SAP30BP: variants seen among roughly 807,000 people sequenced by gnomAD.
The protein encoded by SAP30BP is SAP30 binding protein, also known as SAP30-binding protein.
A neutral mutation model predicts 46.3 loss-of-function variants in SAP30BP; 31 were observed. The ratio of observed to expected loss-of-function variants is 0.67; its 90% confidence interval spans 0.50 to 0.90. The LOEUF is 0.90. SAP30BP is among the 40% of genes least tolerant of loss of function. The probability of loss-of-function intolerance (pLI) is 0.00; values close to 1 mark genes in which losing one functional copy is unlikely to be tolerated. For synonymous variants in SAP30BP, 169 were observed against 144.2 expected (o/e 1.17, Z -1.23); for missense variants, 312 against 391.0 (o/e 0.80, Z 1.70).
chr17:75,699,506 A>T (rs973451901), intron 4 of SAP30BP, among the ~76,000 whole-genome samples: 11 of 117,050 alleles, frequency 9.4e-5, no homozygotes, highest in Admixed American at 3.2e-4. Flanking sequence ...CCGTCTCTTT[A>T]AAAAAAAAAA....
In SAP30BP at chr17:75,706,713, C is replaced by T. The variant is rs2060502641; in HGVS notation, c.*192C>T. 1.0e-5 allele frequency: 6 copies of T among 599,230 alleles called. No homozygotes were observed. Among genetic ancestry groups the T allele is most frequent in the South Asian group, 4.1e-5 (2 of 49,150 alleles). 37.1% of individuals were successfully genotyped at this position (599,230 alleles called of 1,614,324 possible). ...AGGCGCTGTGGACAGGGTCTGTCCA[C>T]GCACCACCTGGGGTCTGCCGCCTAT... On this transcript the variant is annotated 3_prime_UTR_variant, in exon 11 of 11. Transcript: ENST00000584667. This position sits in a 1 kb window ranked among gnomAD's most constrained non-coding sequence, Gnocchi z 4.6.
Position 75,706,842 on chromosome 17 carries a change from T to G in SAP30BP, c.*321T>G. On this transcript the variant is annotated 3_prime_UTR_variant, in exon 11 of 11. Coordinates refer to ENST00000584667, the MANE Select transcript of SAP30BP (RefSeq NM_013260.8). This position sits in a 1 kb window ranked among gnomAD's most constrained non-coding sequence, Gnocchi z 4.6. ...AGCTCACATGTCCCCCAAGACTCAA[T>G]AGTCTTGGTTGGGACTATTGCCTCA... 4 of 346,402 alleles carry G rather than the reference T, an allele frequency of 1.2e-5. No homozygotes were observed. The highest frequency in any genetic ancestry group is 1.6e-5 in the Non-Finnish European group (3 of 185,972). 21.5% of individuals were successfully genotyped at this position (346,402 alleles called of 1,614,324 possible).
chr17:75,676,747 G>A (rs1184130050), intron 3 of SAP30BP, among the ~76,000 whole-genome samples: 1 of 152,196 alleles, frequency 6.6e-6, no homozygotes, highest in African/African-American at 2.4e-5. Flanking sequence ...GCTATTTTGA[G>A]AGAGAGTTCA....
intron 3 of SAP30BP, among the ~76,000 whole-genome samples, chr17:75,682,391 G>A (rs1332207490): frequency 2.6e-5 from 4 of 151,884 alleles, no homozygotes; most frequent in Non-Finnish European, 5.9e-5. Context: ...CTCCATGTTG[G>A]TCAGGCTGGT....
At chr17:75,705,140 G>C (rs1345236384) in intron 9 of SAP30BP, 1 of 348,062 alleles carries the variant, frequency 2.9e-6, no homozygotes, top group East Asian at 6.7e-5. Flanking sequence ...TTCCCTAAGA[G>C]AGTGCCAGGC....
intron 1 of SAP30BP, chr17:75,668,194 T>G: frequency 7.9e-6 from 2 of 253,328 alleles, no homozygotes; most frequent in Non-Finnish European, 1.5e-5. Flanking sequence ...TGTTTTGTGA[T>G]TTTGTGTGGT....
rs183595262 is a variant in SAP30BP, at chr17:75,678,269, C to T, written c.264+6406C>T. On this transcript the variant is annotated intron_variant, in intron 3 of 10. Transcript: ENST00000584667. ...TCTGTGGGGATCCCAGGACCCCCTC[C>T]TCAGATGCTCAAGGTTCTGATATAA... 3.9e-5 allele frequency among the ~76,000 whole-genome samples: 6 copies of T among 152,250 alleles called. No homozygotes were observed. The East Asian group carries it at 7.7e-4, about 20-fold the overall frequency.
Position 75,696,378 on chromosome 17 carries a change from C to CAAAA in SAP30BP, c.307+2909_307+2912dup, listed in dbSNP as rs57619442. Among the ~76,000 whole-genome samples the CAAAA allele has an allele frequency of 9.3e-5, 12 of 128,832 alleles. No homozygotes were observed. In the East Asian group the frequency reaches 1.3e-3, roughly 14 times the overall value. The allele number at this position is 128,832 out of a possible 152,430, so 84.5% of individuals were successfully genotyped here. On this transcript the variant is annotated intron_variant, in intron 4 of 10. Coordinates refer to ENST00000584667, the MANE Select transcript of SAP30BP (RefSeq NM_013260.8). ...TGAAACCCCATTTCTACTAAAAATC[C>CAAAA]AAAAAAAAAAAAAAAATTAGCCAGG...
chr17:75,689,155 CT>C (rs11306586), intron 3 of SAP30BP, among the ~76,000 whole-genome samples: 79,280 of 133,762 alleles, frequency 0.59, 22,937 homozygotes, highest in Non-Finnish European at 0.61. Flanking sequence ...TTCCTTGTAT[CT>C]TTTTTTTTTT....
At chr17:75,671,911 T>C (rs760847888) in intron 3 of SAP30BP, 48 bp downstream of exon 3, 4 of 1,434,942 alleles carry the variant, frequency 2.8e-6, no homozygotes, top group Non-Finnish European at 3.9e-6. Context: ...ACAAGGTGTT[T>C]GAACACTGTG....
At chr17:75,698,045 C>T (rs1386595254) in intron 4 of SAP30BP, among the ~76,000 whole-genome samples, 1 of 152,234 alleles carries the variant, frequency 6.6e-6, no homozygotes, top group South Asian at 2.1e-4. Context: ...GCTCTTTGCT[C>T]ATTGTATGAT....
In SAP30BP at chr17:75,703,807, G is replaced by C; in HGVS notation, c.550-1G>C. ...TGAGTCATTCGCCTTTTCCTTTGCA[G>C]GATATGTTTGATCCCCATGGCTGGT... On this transcript the variant is annotated splice_acceptor_variant, in intron 7 of 10. Coordinates refer to ENST00000584667, the MANE Select transcript of SAP30BP (RefSeq NM_013260.8). LOFTEE classifies it high-confidence loss of function. 1 of 1,613,570 alleles carries C rather than the reference G, an allele frequency of 6.2e-7. No individual in the cohort carries two copies.
chr17:75,700,574 C>A (rs1044896091), intron 5 of SAP30BP, among the ~76,000 whole-genome samples: 1 of 152,174 alleles, frequency 6.6e-6, no homozygotes, highest in East Asian at 1.9e-4. Flanking sequence ...ACAGCAAGCC[C>A]GTGACACCGC....
At chr17:75,690,688 G>A (rs1369860191) in intron 3 of SAP30BP, 1 of 456,672 alleles carries the variant, frequency 2.2e-6, no homozygotes, top group Non-Finnish European at 4.4e-6. Context: ...TCGGCACAGT[G>A]ACAGAGGCAC....
chr17:75,695,682 A>G (rs566751903), intron 4 of SAP30BP, among the ~76,000 whole-genome samples: 40 of 152,080 alleles, frequency 2.6e-4, no homozygotes, highest in African/African-American at 8.9e-4. Flanking sequence ...GCTTTTGTCC[A>G]CTCTGGTGTC....
intron 3 of SAP30BP, among the ~76,000 whole-genome samples, chr17:75,672,874 G>A (rs953308262): frequency 2.2e-4 from 33 of 151,584 alleles, no homozygotes; most frequent in African/African-American, 7.7e-4. Context: ...TGAGGCAGGG[G>A]AATTACTTGA....
At chr17:75,674,427 T>G (rs910093179) in intron 3 of SAP30BP, among the ~76,000 whole-genome samples, 1 of 152,052 alleles carries the variant, frequency 6.6e-6, no homozygotes, top group African/African-American at 2.4e-5. Flanking sequence ...CCCGAGTAGC[T>G]GGGATTACAG....
In SAP30BP at chr17:75,706,643, C is replaced by T; in HGVS notation, c.*122C>T. The T allele has an allele frequency of 1.1e-6, 1 of 920,106 alleles. No individual in the cohort carries two copies. The allele number at this position is 920,106 out of a possible 1,614,324, so 57.0% of individuals were successfully genotyped here. On this transcript the variant is annotated 3_prime_UTR_variant, in exon 11 of 11. Coordinates refer to ENST00000584667, the MANE Select transcript of SAP30BP (RefSeq NM_013260.8). The surrounding 1 kb of genome is among the most constrained non-coding windows in gnomAD (Gnocchi z 4.6). ...CTCCCCAGATGCCACCTGAGAGGAG[C>T]TTCTGTTTGGCATTCCAGATGGAAG...
chr17:75,705,734 A>C, intron 9 of SAP30BP: 1 of 998,626 alleles, frequency 1.0e-6, no homozygotes, highest in Non-Finnish European at 1.3e-6. Flanking sequence ...TGGGCATGTG[A>C]GGTGGGGCGG....
Sources: gnomAD v4.1 joint callset for allele counts (sites outside exome capture counted in the v4.1 genomes callset) on GRCh38, gnomAD v4.1.1 for gene constraint, Gnocchi (gnomAD v3.1) non-coding constraint, MANE v1.5 for transcripts, NCBI Gene and HGNC (gene_info 2026-07-23, HGNC 2026-07-21) for gene names.